HCK: variants seen among roughly 807,000 people sequenced by gnomAD.
The protein encoded by HCK is tyrosine-protein kinase HCK.
In HCK, 40 loss-of-function variants were observed where a neutral mutation model predicts 70.4. That is an observed-to-expected ratio of 0.57 (90% CI 0.44 to 0.74). The LOEUF (loss-of-function observed/expected upper bound fraction) is 0.74, where lower values mean the gene tolerates loss of function less well. HCK is among the 30% of genes least tolerant of loss of function. The pLI is 0.00. For synonymous variants in HCK, 245 were observed against 263.2 expected, an observed-to-expected ratio of 0.93 and a Z score of 0.67; for missense variants, 568 against 697.2, an observed-to-expected ratio of 0.81 and a Z score of 2.09.
At chr20:32,097,456 G>A (rs1352987896) in intron 11 of HCK, among the ~76,000 whole-genome samples, 1 of 152,082 alleles carries the variant, frequency 6.6e-6, no homozygotes, top group East Asian at 1.9e-4. Flanking sequence ...GCGGGCACCT[G>A]TAGTCCCAGC....
chr20:32,084,342 G>A (rs2045751624), intron 7 of HCK, 49 bp from the exon 8 acceptor site: 1 of 1,563,516 alleles, frequency 6.4e-7, no homozygotes, highest in African/African-American at 1.4e-5. Flanking sequence ...AGCAACCTCT[G>A]GCTGGCTCGG....
chr20:32,089,641 G>A (rs1026418139), intron 10 of HCK, among the ~76,000 whole-genome samples: 11 of 152,060 alleles, frequency 7.2e-5, no homozygotes, highest in Non-Finnish European at 1.5e-4. Context: ...TGTTCCCCAC[G>A]CCCCTTGCAG....
intron 11 of HCK, among the ~76,000 whole-genome samples, chr20:32,096,932 A>AAAAT (rs1341746669): frequency 6.6e-6 from 1 of 152,168 alleles, no homozygotes; most frequent in African/African-American, 2.4e-5. Context: ...AAGCTGCAGC[A>AAAAT]AAATGGATAT....
At chr20:32,059,714 C>T (rs1039344749) in intron 1 of HCK, among the ~76,000 whole-genome samples, 3 of 152,030 alleles carry the variant, frequency 2.0e-5, no homozygotes, top group African/African-American at 7.3e-5. Context: ...TGGGGTCTTG[C>T]CATGTTGCCC....
chr20:32,066,463 C>T (rs979110795), intron 1 of HCK, among the ~76,000 whole-genome samples: 12 of 151,568 alleles, frequency 7.9e-5, no homozygotes, highest in East Asian at 1.9e-4. Flanking sequence ...AGGTGTGCGC[C>T]GCCACACCTG....
chr20:32,079,335 G>A (rs778833919), intron 5 of HCK, among the ~76,000 whole-genome samples: 12 of 152,146 alleles, frequency 7.9e-5, no homozygotes, highest in South Asian at 4.1e-4. Flanking sequence ...GATCTTCCCC[G>A]TGGTCTTGTA....
chr20:32,053,289 G>A (rs1375122042), intron 1 of HCK, among the ~76,000 whole-genome samples: 1 of 152,006 alleles, frequency 6.6e-6, no homozygotes, highest in East Asian at 1.9e-4. Context: ...TTTCACAACT[G>A]CAGGATGGGG....
intron 1 of HCK, among the ~76,000 whole-genome samples, chr20:32,068,877 G>A (rs1217039888): frequency 6.6e-6 from 1 of 152,142 alleles, no homozygotes; most frequent in Admixed American, 6.5e-5. Flanking sequence ...CTGGGAGGTC[G>A]AGGTTGCAGT....
Position 32,093,881 on chromosome 20 carries a change from T to G in HCK, c.1111T>G (p.Phe371Val). The change falls in exon 11 of 13, where the codon TTC (phenylalanine) becomes GTC (valine). Residue 371 changes from phenylalanine (F) to valine (V), a missense_variant. This residue lies in a region of HCK where 160 missense variants were observed against 237.5 expected (regional missense o/e 0.67). Coordinates refer to ENST00000375852, the MANE Select transcript of HCK (RefSeq NM_002110.5). ...GGTGCAGATTGCAGAAGGCATGGCC[T>G]TCATCGAGCAGAGGAACTACATCCA... The G allele has an allele frequency of 6.2e-7, 1 of 1,613,292 alleles. No homozygotes were observed. The highest frequency in any genetic ancestry group is 1.1e-5 in the South Asian group (1 of 91,064).
chr20:32,052,289 G>A lies in HCK; in HGVS notation c.-136G>A. ...GGGAGCACATCAGAGGCTTAGAGGCGAGTGGGAAGGGACTCAGACAGTGCA... is the reference window on the plus strand; with the variant it reads ...GGGAGCACATCAGAGGCTTAGAGGCAAGTGGGAAGGGACTCAGACAGTGCA... On this transcript the variant is annotated 5_prime_UTR_variant, in exon 1 of 13. Transcript: ENST00000375852. The A allele has an allele frequency of 1.0e-5, 6 of 579,536 alleles. No homozygotes were observed. The highest frequency in any genetic ancestry group is 1.6e-5 in the Non-Finnish European group (6 of 376,932). 35.9% of individuals were successfully genotyped at this position (579,536 alleles called of 1,614,324 possible). A position where few individuals can be genotyped will look rare whatever the true frequency, so the allele number is the denominator to read the frequency against.
At position 32,088,691 on chromosome 20, in the gene HCK, T is replaced by G. The variant is rs1600736924; in HGVS notation, c.1092+47T>G. ...GGGGAAGGGAAACAGGAATTCGATT[T>G]TTTTACTTGCCAAATATTTACTGAC... On this transcript the variant is annotated intron_variant, in intron 10 of 12. Transcript: ENST00000375852. The G allele has an allele frequency of 7.6e-6, 11 of 1,453,972 alleles. No individual in the cohort carries two copies. The East Asian group carries it at 2.5e-4, about 33-fold the overall frequency. 90.1% of individuals were successfully genotyped at this position (1,453,972 alleles called of 1,614,324 possible).
chr20:32,069,734 C>G (rs1179863649), intron 1 of HCK: 9 of 1,265,288 alleles, frequency 7.1e-6, no homozygotes, highest in Non-Finnish European at 9.3e-6. Flanking sequence ...AAATCTTTCC[C>G]AGTTCCCACC....
Position 32,101,388 on chromosome 20 carries a change from G to A in HCK, c.1450G>A (p.Glu484Lys). The change falls in exon 13 of 13, where the codon GAG becomes AAG. Residue 484 changes from glutamate (E) to lysine (K), a missense_variant. Transcript: ENST00000375852. ...GATGCCTCGCCCAGAGAACTGCCCA[G>A]AGGAGCTCTACAACATCATGATGCG... 6.2e-7 allele frequency: 1 copy of A among 1,614,238 alleles called. No individual in the cohort carries two copies. Among genetic ancestry groups the A allele is most frequent in the Non-Finnish European group, 8.5e-7 (1 of 1,180,044 alleles).
At chr20:32,070,044 G>A (rs2045515738) in intron 1 of HCK, among the ~76,000 whole-genome samples, 1 of 152,110 alleles carries the variant, frequency 6.6e-6, no homozygotes, top group Non-Finnish European at 1.5e-5. Flanking sequence ...GACTCTACTT[G>A]GAGTAAATGT....
At chr20:32,101,293 T>A (rs1483250654) in intron 12 of HCK, 24 bp from the exon 13 acceptor site, 1 of 1,610,294 alleles carries the variant, frequency 6.2e-7, no homozygotes, top group Non-Finnish European at 8.5e-7. Context: ...TGCTTCCGTT[T>A]CTAATTCCAC....
Position 32,084,488 on chromosome 20 carries a change from A to G in HCK, c.780A>G (p.Glu260=). 6.2e-7 allele frequency: 1 copy of G among 1,614,084 alleles called. No homozygotes were observed. The highest frequency in any genetic ancestry group is 8.5e-7 in the Non-Finnish European group (1 of 1,179,990). Residue 260 remains glutamate (E), a synonymous_variant, in exon 8 of 13, where the codon GAA becomes GAG. Coordinates refer to ENST00000375852, the MANE Select transcript of HCK (RefSeq NM_002110.5). ...AAGATGCCTGGGAGATCCCTCGGGA[A>G]TCCCTCAAGCTGGAGAAGAAACTTG...
intron 1 of HCK, among the ~76,000 whole-genome samples, chr20:32,061,936 C>CTTTTTTT (rs557203114): frequency 8.2e-6 from 1 of 122,048 alleles, no homozygotes; most frequent in African/African-American, 3.3e-5. Flanking sequence ...TCTGACTTAC[C>CTTTTTTT]TTTTTTTTTT....
At chr20:32,076,753 T>C (rs2045632037) in intron 5 of HCK, among the ~76,000 whole-genome samples, 2 of 152,156 alleles carry the variant, frequency 1.3e-5, no homozygotes, top group African/African-American at 4.8e-5. Flanking sequence ...CTGCTGCTGC[T>C]GCTGCTCCAG....
In HCK at chr20:32,101,451, G is replaced by A. The variant is rs756936393; in HGVS notation, c.1513G>A (p.Glu505Lys). Reference sequence around the variant, plus strand: ...CCGTCCGGAGGAGCGGCCGACCTTCGAATACATCCAGAGTGTGCTGGATGA... The same window carrying A: ...CCGTCCGGAGGAGCGGCCGACCTTCAAATACATCCAGAGTGTGCTGGATGA... The change falls in exon 13 of 13, where the codon GAA becomes AAA. Residue 505 changes from glutamate (E) to lysine (K), a missense_variant. Coordinates refer to ENST00000375852, the MANE Select transcript of HCK (RefSeq NM_002110.5). 1.9e-6 allele frequency: 3 copies of A among 1,613,864 alleles called. No homozygotes were observed. The highest frequency in any genetic ancestry group is 2.5e-6 in the Non-Finnish European group (3 of 1,179,954).
Sources: gnomAD v4.1 joint callset for allele counts (sites outside exome capture counted in the v4.1 genomes callset) on GRCh38, gnomAD v4.1.1 for gene constraint, gnomAD v4.1.1 regional missense constraint, MANE v1.5 for transcripts, NCBI Gene and HGNC (gene_info 2026-07-23, HGNC 2026-07-21) for gene names.